Variants in PPP1R36 observed in about 807,000 individuals in gnomAD.
PPP1R36 encodes chromosome 14 open reading frame 50.
In PPP1R36, 47 loss-of-function variants were observed where a neutral mutation model predicts 53.4. The observed-to-expected ratio is 0.88, with a 90% CI of 0.70 to 1.12. The LOEUF (loss-of-function observed/expected upper bound fraction) is 1.12. Among genes scored for constraint, PPP1R36 ranks in the 50% most tolerant of loss-of-function variants. The pLI, the probability that PPP1R36 is intolerant of heterozygous loss-of-function variation, is 0.00. For missense variants in PPP1R36, 456 were observed against 513.9 expected, an observed-to-expected ratio of 0.89 and a Z score of 1.09; for synonymous variants, 153 against 170.5, an observed-to-expected ratio of 0.90 and a Z score of 0.80.
chr14:64,568,028 T>G (rs1014035799), intron 6 of PPP1R36, among the ~76,000 whole-genome samples: 2 of 152,170 alleles, frequency 1.3e-5, no homozygotes, highest in East Asian at 1.9e-4. Flanking sequence ...AATTTTTACT[T>G]GATACATTTC....
intron 3 of PPP1R36, among the ~76,000 whole-genome samples, chr14:64,553,125 T>C (rs999855038): frequency 2.0e-5 from 3 of 152,096 alleles, no homozygotes; most frequent in African/African-American, 7.2e-5. Flanking sequence ...AGCTTGTTTT[T>C]TGTATTTTTA....
At chr14:64,564,091 G>A (rs747742839) in intron 3 of PPP1R36, among the ~76,000 whole-genome samples, 6 of 152,134 alleles carry the variant, frequency 3.9e-5, no homozygotes, top group Non-Finnish European at 7.4e-5. Flanking sequence ...AACTCATTAC[G>A]GCTTAGTAGT....
At chr14:64,567,315 A>C (rs1351259791) in intron 6 of PPP1R36, among the ~76,000 whole-genome samples, 1 of 152,236 alleles carries the variant, frequency 6.6e-6, no homozygotes, top group Non-Finnish European at 1.5e-5. Flanking sequence ...TTTGGAGAGC[A>C]AGGCACATAC....
intron 8 of PPP1R36, among the ~76,000 whole-genome samples, chr14:64,585,589 T>C (rs1386105515): frequency 6.6e-6 from 1 of 150,384 alleles, no homozygotes; most frequent in Non-Finnish European, 1.5e-5. Context: ...CTTGTGAGGC[T>C]GAGGTGGGTA....
At chr14:64,589,040 T>C (rs901228828) in intron 11 of PPP1R36, 112 bp from the exon 12 acceptor site, 1 of 702,922 alleles carries the variant, frequency 1.4e-6, no homozygotes, top group Non-Finnish European at 2.4e-6. Flanking sequence ...ATATCTTAGC[T>C]TTAGTGTACA....
At chr14:64,565,887 C>T (rs1337157647) in intron 6 of PPP1R36, among the ~76,000 whole-genome samples, 195 bp downstream of exon 6, 1 of 152,140 alleles carries the variant, frequency 6.6e-6, no homozygotes, top group Non-Finnish European at 1.5e-5. Flanking sequence ...ATGGGAACCC[C>T]AGATAAAATC....
At chr14:64,555,131 T>C (rs2080138288) in intron 3 of PPP1R36, among the ~76,000 whole-genome samples, 1 of 152,252 alleles carries the variant, frequency 6.6e-6, no homozygotes, top group Admixed American at 6.5e-5. Flanking sequence ...GAGATAACTT[T>C]GCCATGAAAT....
chr14:64,550,315 C>A, intron 1 of PPP1R36: 1 of 1,319,170 alleles, frequency 7.6e-7, no homozygotes, highest in Non-Finnish European at 9.7e-7. Flanking sequence ...AATCCCACCT[C>A]ACCACCTCTA....
chr14:64,572,111 T>C (rs886944834), intron 7 of PPP1R36, among the ~76,000 whole-genome samples: 8 of 152,234 alleles, frequency 5.3e-5, no homozygotes, highest in Non-Finnish European at 8.8e-5. Flanking sequence ...AATGATTGCA[T>C]TGAATATCCT....
At chr14:64,554,404 G>T (rs776381296) in intron 3 of PPP1R36, among the ~76,000 whole-genome samples, 3 of 152,082 alleles carry the variant, frequency 2.0e-5, no homozygotes, top group Non-Finnish European at 4.4e-5. Flanking sequence ...ACCCACCTCG[G>T]CCTCCCAAAG....
At chr14:64,551,073 A>G (rs1369531920) in intron 2 of PPP1R36, 88 bp downstream of exon 2, 12 of 817,130 alleles carry the variant, frequency 1.5e-5, no homozygotes, top group African/African-American at 3.5e-5. Context: ...ATAGAGAATA[A>G]ATACCCACTG....
At chr14:64,585,209 G>A (rs1449109540) in intron 8 of PPP1R36, among the ~76,000 whole-genome samples, 1 of 152,134 alleles carries the variant, frequency 6.6e-6, no homozygotes, top group African/African-American at 2.4e-5. Flanking sequence ...TTCCTCCAAG[G>A]AAGGCCCCAA....
chr14:64,577,344 C>A (rs2080350781), intron 8 of PPP1R36, among the ~76,000 whole-genome samples: 1 of 152,212 alleles, frequency 6.6e-6, no homozygotes, highest in Non-Finnish European at 1.5e-5. Context: ...TGCACCATGC[C>A]TCCCACAGGC....
rs762173504 is a variant in PPP1R36 at position 64,549,985 on chromosome 14, C to A, written c.-13C>A. ...TATCCTCGGCGACGCCGTATGGCTT[C>A]CAGGGCGAGGCCATGTACCGGGTGC... is the stretch of plus-strand genomic sequence containing the variant. On this transcript the variant is annotated 5_prime_UTR_variant, in exon 1 of 12. Transcript: ENST00000298705. The A allele has an allele frequency of 6.4e-7, 1 of 1,562,248 alleles. No individual in the cohort carries two copies. The highest frequency in any genetic ancestry group is 8.7e-7 in the Non-Finnish European group (1 of 1,153,092).
intron 7 of PPP1R36, among the ~76,000 whole-genome samples, chr14:64,573,150 T>G (rs1450328044): frequency 6.6e-6 from 1 of 152,234 alleles, no homozygotes; most frequent in Admixed American, 6.5e-5. Flanking sequence ...CACTTTTCAA[T>G]AACAGTACAT....
chr14:64,567,081 G>A (rs566312047), intron 6 of PPP1R36, among the ~76,000 whole-genome samples: 18 of 152,300 alleles, frequency 1.2e-4, no homozygotes, highest in Non-Finnish European at 2.2e-4. Context: ...TGTTGCTGGG[G>A]GAACCCAGCC....
chr14:64,555,872 C>T (rs558164286), intron 3 of PPP1R36, among the ~76,000 whole-genome samples: 52 of 152,316 alleles, frequency 3.4e-4, no homozygotes, highest in South Asian at 1.5e-3. Context: ...ACACACCACT[C>T]TCTTAACATT....
In PPP1R36 at chr14:64,565,338, C is replaced by G. The variant is rs1442714233; in HGVS notation, c.270-19C>G. 6.4e-6 allele frequency: 10 copies of G among 1,555,658 alleles called. No individual in the cohort carries two copies. Among genetic ancestry groups the G allele is most frequent in the African/African-American group, 2.7e-5 (2 of 72,852 alleles). Reference sequence around the variant, plus strand: ...AAATATATTAAAACACTACTAGAAACTGTTATATTCCAAAACAGGTTGACA... The same window carrying G: ...AAATATATTAAAACACTACTAGAAAGTGTTATATTCCAAAACAGGTTGACA... On this transcript the variant is annotated intron_variant, in intron 4 of 11. Coordinates refer to ENST00000298705, the MANE Select transcript of PPP1R36 (RefSeq NM_172365.3).
At chr14:64,552,892 T>C in intron 3 of PPP1R36, 31 bp downstream of exon 3, 4 of 1,586,300 alleles carry the variant, frequency 2.5e-6, no homozygotes, top group Non-Finnish European at 3.5e-6. Context: ...GAGATAGCTT[T>C]GGGATTAGAC....
Sources: allele counts gnomAD v4.1 joint callset (sites outside exome capture counted in the v4.1 genomes callset), GRCh38; gene constraint gnomAD v4.1.1; transcripts MANE v1.5; gene names NCBI Gene and HGNC (gene_info 2026-07-23, HGNC 2026-07-21).